Variants in LIPA observed in about 807,000 individuals in gnomAD.
The protein encoded by LIPA is lipase A, lysosomal acid type, also known as lysosomal acid lipase/cholesteryl ester hydrolase.
A neutral mutation model predicts 40.6 loss-of-function variants in LIPA; 26 were observed. The observed-to-expected ratio is 0.64, with a 90% CI of 0.47 to 0.89. LIPA has a LOEUF of 0.89. LIPA is among the 40% of genes least tolerant of loss of function. The pLI is 0.00. For missense variants in LIPA, 455 were observed against 479.6 expected (o/e 0.95, Z 0.48); for synonymous variants, 188 against 168.4 (o/e 1.12, Z -0.90).
intron 2 of LIPA, chr10:89,403,358 G>T (rs1844472240): frequency 1.2e-6 from 2 of 1,613,024 alleles, no homozygotes; most frequent in Non-Finnish European, 1.7e-6. Flanking sequence ...AAGCTGAAGA[G>T]AATTTTCAAA....
At chr10:89,312,377 G>A (rs1388842701) in intron 1 of LIPA, among the ~76,000 whole-genome samples, 2 of 152,042 alleles carry the variant, frequency 1.3e-5, no homozygotes, top group East Asian at 1.9e-4. Context: ...GGAGGTGGGG[G>A]CTTCAGTGAG....
At chr10:89,215,303 G>T (rs1842610539) in intron 9 of LIPA, among the ~76,000 whole-genome samples, 3 of 152,170 alleles carry the variant, frequency 2.0e-5, no homozygotes, top group Non-Finnish European at 4.4e-5. Flanking sequence ...CGTAGGCTGG[G>T]CACCAAAATG....
intron 2 of LIPA, among the ~76,000 whole-genome samples, chr10:89,352,077 C>A (rs1231767701): frequency 6.6e-6 from 1 of 152,174 alleles, no homozygotes; most frequent in Non-Finnish European, 1.5e-5. Flanking sequence ...AACCAGAATT[C>A]TTTCCTAAGG....
intron 1 of LIPA, chr10:89,338,842 C>T (rs1039219396): frequency 1.2e-6 from 2 of 1,613,964 alleles, no homozygotes; most frequent in Middle Eastern, 1.6e-4. Context: ...CATAAAACAC[C>T]TAGATGGTAA....
chr10:89,247,409 A>ATT, intron 2 of LIPA, 129 bp downstream of exon 2: 4 of 570,370 alleles, frequency 7.0e-6, no homozygotes, highest in East Asian at 3.2e-5. Flanking sequence ...AAAAAAAAAA[A>ATT]AATTCAGAGA....
At chr10:89,263,392 A>G (rs1372603784) in intron 1 of LIPA, among the ~76,000 whole-genome samples, 1 of 152,212 alleles carries the variant, frequency 6.6e-6, no homozygotes, top group African/African-American at 2.4e-5. Flanking sequence ...GTGGATTGCT[A>G]CCAAAAACTA....
At chr10:89,276,004 G>A (rs956803109) in intron 1 of LIPA, among the ~76,000 whole-genome samples, 2 of 152,196 alleles carry the variant, frequency 1.3e-5, no homozygotes, top group African/African-American at 4.8e-5. Flanking sequence ...TCAGTTCACA[G>A]TACAACCTTT....
At chr10:89,334,919 CA>C (rs1241385904) in intron 1 of LIPA, among the ~76,000 whole-genome samples, 1 of 152,082 alleles carries the variant, frequency 6.6e-6, no homozygotes, top group African/African-American at 2.4e-5. Flanking sequence ...GAGTAACTTT[CA>C]AAAACACATA....
At chr10:89,264,837 G>A (rs1380229455) in intron 1 of LIPA, among the ~76,000 whole-genome samples, 1 of 152,218 alleles carries the variant, frequency 6.6e-6, no homozygotes, top group Non-Finnish European at 1.5e-5. Flanking sequence ...TGGCTTCAAG[G>A]TGGTGCTTCA....
chr10:89,247,727 A>G (rs2133468336), intron 1 of LIPA, 78 bp from the exon 2 acceptor site: 2 of 1,039,666 alleles, frequency 1.9e-6, no homozygotes, highest in East Asian at 2.5e-5. Context: ...ATGCTCCCAC[A>G]AAAAGTTCTG....
intron 2 of LIPA, among the ~76,000 whole-genome samples, chr10:89,364,258 G>T (rs771988466): frequency 1.3e-5 from 2 of 152,128 alleles, no homozygotes; most frequent in Non-Finnish European, 2.9e-5. Flanking sequence ...TCTTGTGTTA[G>T]GTACCTGGCA....
At chr10:89,364,828 A>C (rs768067890) in intron 2 of LIPA, among the ~76,000 whole-genome samples, 53 of 152,170 alleles carry the variant, frequency 3.5e-4, no homozygotes, top group African/African-American at 1.2e-3. Flanking sequence ...AAAAATCTAT[A>C]GTAAAATTAA....
At chr10:89,325,261 C>A (rs775335200) in intron 1 of LIPA, among the ~76,000 whole-genome samples, 1 of 152,086 alleles carries the variant, frequency 6.6e-6, no homozygotes, top group Non-Finnish European at 1.5e-5. Context: ...TTACAAACTG[C>A]TGGTGAGAAT....
chr10:89,233,591 G>A (rs1842868448), intron 3 of LIPA, among the ~76,000 whole-genome samples: 1 of 152,224 alleles, frequency 6.6e-6, no homozygotes, highest in Non-Finnish European at 1.5e-5. Flanking sequence ...AAGTCATTGT[G>A]GTTTTTGCCC....
Position 89,247,596 on chromosome 10 carries a change from T to C in LIPA, c.53A>G (p.His18Arg). 8 of 1,613,602 alleles carry C rather than the reference T, an allele frequency of 5.0e-6. No homozygotes were observed. Among genetic ancestry groups the C allele is most frequent in the Non-Finnish European group, 6.8e-6 (8 of 1,179,708 alleles). Reference sequence around the variant, plus strand: ...CAGTTTCCCTCCAGACCCCTCAGAATGCAGGGTCCAGAGAACCAAACAGAC... The same window carrying C: ...CAGTTTCCCTCCAGACCCCTCAGAACGCAGGGTCCAGAGAACCAAACAGAC... ...LVVCLVLWTL[H>R]SEGSGGKLTA... Residue 18 changes from histidine to arginine, a missense_variant, in exon 2 of 10, where the codon CAT becomes CGT. Physicochemically the swap from His to Arg is conservative, Grantham distance 29. Transcript: ENST00000336233.
chr10:89,322,979 G>C (rs1050050452), intron 1 of LIPA, among the ~76,000 whole-genome samples: 11 of 152,174 alleles, frequency 7.2e-5, no homozygotes, highest in Non-Finnish European at 5.9e-5. Context: ...ACAGCCTCCT[G>C]TTGTCCTGGG....
Position 89,214,904 on chromosome 10 carries a change from A to G in LIPA, c.1124T>C (p.Leu375Pro), listed in dbSNP as rs757909567. The G allele has an allele frequency of 6.2e-7, 1 of 1,614,114 alleles. No individual in the cohort carries two copies. Residue 375 changes from leucine (L) to proline (P), a missense_variant, in exon 10 of 10, where the codon CTT becomes CCT. By Grantham distance (98) the Leu-to-Pro change is moderately conservative. Transcript: ENST00000336233. ...FHESIPEWEH[L>P]DFIWGLDAPW... The stretch of plus-strand genomic sequence containing the variant: ...GGCATCCAGGCCCCAAATGAAGTCA[A>G]GATGCTCCCATTCCGGAATGCTCTC...
chr10:89,316,377 G>A (rs540339779), intron 1 of LIPA, among the ~76,000 whole-genome samples: 148 of 152,300 alleles, frequency 9.7e-4, no homozygotes, highest in African/African-American at 3.1e-3. Context: ...CTAATACTGC[G>A]CTTTTCCAAC....
At chr10:89,360,249 C>T (rs1225213535) in intron 2 of LIPA, among the ~76,000 whole-genome samples, 1 of 152,140 alleles carries the variant, frequency 6.6e-6, no homozygotes, top group Non-Finnish European at 1.5e-5. Context: ...ACATTTCACC[C>T]CAGAATGTGC....
Sources: gnomAD v4.1 joint callset for allele counts (sites outside exome capture counted in the v4.1 genomes callset) on GRCh38, gnomAD v4.1.1 for gene constraint, MANE v1.5 for transcripts, NCBI Gene and HGNC (gene_info 2026-07-23, HGNC 2026-07-21) for gene names.